Variants in RNF217 observed in about 807,000 individuals in gnomAD.
RNF217 encodes the protein ring finger protein 217.
RNF217 carries 31 observed loss-of-function variants against 57.8 expected under a neutral mutation model. That is an observed-to-expected ratio of 0.54 (90% CI 0.40 to 0.72). RNF217 has a LOEUF of 0.72. RNF217 is among the 30% of genes least tolerant of loss of function. The pLI is 0.00. For synonymous variants in RNF217, 313 were observed against 294.0 expected, an observed-to-expected ratio of 1.06 and a Z score of -0.66; for missense variants, 696 against 708.3, an observed-to-expected ratio of 0.98 and a Z score of 0.20.
At chr6:125,058,734 G>A (rs537793856) in intron 3 of RNF217, among the ~76,000 whole-genome samples, 1 of 152,274 alleles carries the variant, frequency 6.6e-6, no homozygotes, top group East Asian at 1.9e-4. Flanking sequence ...CAAACAGCCA[G>A]GGAAGACTCT....
chr6:124,964,719 C>T (rs1304525335), intron 1 of RNF217, among the ~76,000 whole-genome samples: 2 of 152,190 alleles, frequency 1.3e-5, no homozygotes, highest in African/African-American at 2.4e-5. Context: ...CATGCTTTAT[C>T]TACAGAGATT....
At chr6:125,050,260 G>A (rs201052779) in intron 2 of RNF217, among the ~76,000 whole-genome samples, 8 of 151,912 alleles carry the variant, frequency 5.3e-5, no homozygotes, top group East Asian at 1.9e-4. Flanking sequence ...TAGAGAACAC[G>A]TTAGAGGTAA....
intron 3 of RNF217, among the ~76,000 whole-genome samples, chr6:125,060,303 A>C (rs2114594046): frequency 6.6e-6 from 1 of 152,184 alleles, no homozygotes; most frequent in Non-Finnish European, 1.5e-5. Context: ...AAATGCTTTC[A>C]ATCATGATAA....
intron 1 of RNF217, among the ~76,000 whole-genome samples, chr6:124,981,408 T>C (rs1436218735): frequency 2.0e-5 from 3 of 152,152 alleles, no homozygotes; most frequent in Non-Finnish European, 4.4e-5. Context: ...CTTGCTTTTA[T>C]ACATTTTAGG....
intron 1 of RNF217, among the ~76,000 whole-genome samples, chr6:125,035,516 T>C (rs1448621437): frequency 6.6e-6 from 1 of 152,220 alleles, no homozygotes; most frequent in Non-Finnish European, 1.5e-5. Flanking sequence ...GTTTGTTGTC[T>C]GCATGTTTCT....
chr6:125,014,717 A>T (rs1436393407), intron 1 of RNF217, among the ~76,000 whole-genome samples: 2 of 152,194 alleles, frequency 1.3e-5, no homozygotes, highest in East Asian at 3.8e-4. Flanking sequence ...TCTCCCAGTG[A>T]TTCATTCATT....
rs575717097 is a variant in RNF217 at position 125,084,874 on chromosome 6, A to C, written c.*1937A>C. 6.6e-6 allele frequency: 1 copy of C among 152,072 alleles called. No individual in the cohort carries two copies. The highest frequency in any genetic ancestry group is 1.5e-5 in the Non-Finnish European group (1 of 67,854). 9.4% of individuals were successfully genotyped at this position (152,072 alleles called of 1,614,324 possible). ...ATTGAGTGCCTATCTTAGGTGTAATAGTATTTAAGACTGAAAGAAGGAGAA... is the reference window on the plus strand; with the variant it reads ...ATTGAGTGCCTATCTTAGGTGTAATCGTATTTAAGACTGAAAGAAGGAGAA... On this transcript the variant is annotated 3_prime_UTR_variant, in exon 6 of 6. Coordinates refer to ENST00000521654, the MANE Select transcript of RNF217 (RefSeq NM_001286398.3).
chr6:124,974,436 G>A (rs983674085), intron 1 of RNF217, among the ~76,000 whole-genome samples: 4 of 151,996 alleles, frequency 2.6e-5, no homozygotes, highest in African/African-American at 9.7e-5. Flanking sequence ...ACAGATTCAT[G>A]TAGTTTTAAA....
chr6:124,990,834 G>A (rs549407645), intron 1 of RNF217, among the ~76,000 whole-genome samples: 6 of 152,292 alleles, frequency 3.9e-5, no homozygotes, highest in Admixed American at 6.5e-5. Context: ...AGAGGCTGAG[G>A]TGGGAGGATT....
Position 125,082,885 on chromosome 6 carries a change from A to G in RNF217, c.1577A>G (p.Tyr526Cys), listed in dbSNP as rs146555313. Reference protein sequence around the residue: ...VVIGLFVFPIYCLCKKQRKRS... With the variant: ...VVIGLFVFPICCLCKKQRKRS... ...CTAGGTTTATTTGTATTTCCTATCT[A>G]TTGCCTTTGTAAAAAACAGAGAAAA... Residue 526 changes from tyrosine to cysteine, a missense_variant, in exon 6 of 6, where the codon TAT becomes TGT. Physicochemically the swap from Tyr to Cys is radical, Grantham distance 194. This residue lies in a region of RNF217 where 231 missense variants were observed against 321.4 expected (regional missense o/e 0.72). Coordinates refer to ENST00000521654, the MANE Select transcript of RNF217 (RefSeq NM_001286398.3). The G allele has an allele frequency of 6.2e-7, 1 of 1,603,682 alleles. No individual in the cohort carries two copies. The highest frequency in any genetic ancestry group is 1.3e-5 in the African/African-American group (1 of 74,218).
chr6:124,988,772 A>G (rs756521750), intron 1 of RNF217, among the ~76,000 whole-genome samples: 1 of 152,216 alleles, frequency 6.6e-6, no homozygotes, highest in Non-Finnish European at 1.5e-5. Flanking sequence ...CTTTGCCTAT[A>G]GTTATTCCAC....
rs1788740979 is a variant in RNF217, at chr6:125,085,301, A to G, written c.*2364A>G. ...GATGGCTATTTCATCAGTGCTTGAAATAGTGTGCACTGTGTTGCACAGGTT... is the reference window on the plus strand; with the variant it reads ...GATGGCTATTTCATCAGTGCTTGAAGTAGTGTGCACTGTGTTGCACAGGTT... On this transcript the variant is annotated 3_prime_UTR_variant, in exon 6 of 6. Coordinates refer to ENST00000521654, the MANE Select transcript of RNF217 (RefSeq NM_001286398.3). 1 of 151,886 alleles carries G rather than the reference A, an allele frequency of 6.6e-6. No individual in the cohort carries two copies. The highest frequency in any genetic ancestry group is 1.5e-5 in the Non-Finnish European group (1 of 67,836). 9.4% of individuals were successfully genotyped at this position (151,886 alleles called of 1,614,324 possible). A position where few individuals can be genotyped will look rare whatever the true frequency, so the allele number is the denominator to read the frequency against.
At chr6:125,031,076 T>C (rs1786335481) in intron 1 of RNF217, among the ~76,000 whole-genome samples, 1 of 152,236 alleles carries the variant, frequency 6.6e-6, no homozygotes, top group African/African-American at 2.4e-5. Flanking sequence ...GCTTCCACCC[T>C]CTGAAGCCAC....
intron 1 of RNF217, among the ~76,000 whole-genome samples, chr6:125,040,663 T>TC (rs1786845337): frequency 6.6e-6 from 1 of 152,098 alleles, no homozygotes; most frequent in Admixed American, 6.6e-5. Context: ...CCAAAATCCC[T>TC]CATGAACATT....
At chr6:125,019,654 G>T (rs945751369) in intron 1 of RNF217, among the ~76,000 whole-genome samples, 1 of 151,894 alleles carries the variant, frequency 6.6e-6, no homozygotes, top group Non-Finnish European at 1.5e-5. Context: ...CAAATTAGAC[G>T]AATAATTTAG....
chr6:125,088,608 T>C lies in RNF217; in HGVS notation c.*5671T>C, dbSNP rs1788844091. 6.6e-6 allele frequency: 1 copy of C among 152,146 alleles called. No individual in the cohort carries two copies. Among genetic ancestry groups the C allele is most frequent in the African/African-American group, 2.4e-5 (1 of 41,444 alleles). 9.4% of individuals were successfully genotyped at this position (152,146 alleles called of 1,614,324 possible). A position where few individuals can be genotyped will look rare whatever the true frequency, so the allele number is the denominator to read the frequency against. ...ATGTAATTATGCATGTTACAAACTA[T>C]ATATATCTTTTTGGCTAGAGAAGTG... On this transcript the variant is annotated 3_prime_UTR_variant, in exon 6 of 6. Coordinates refer to ENST00000521654, the MANE Select transcript of RNF217 (RefSeq NM_001286398.3).
intron 2 of RNF217, among the ~76,000 whole-genome samples, chr6:125,057,442 A>G (rs1310020834): frequency 1.3e-5 from 2 of 152,262 alleles, no homozygotes; most frequent in South Asian, 4.1e-4. Flanking sequence ...TCAGCCTCCC[A>G]AAGTGCTAGG....
intron 1 of RNF217, among the ~76,000 whole-genome samples, chr6:125,026,647 G>T (rs1220627749): frequency 1.3e-5 from 2 of 151,328 alleles, no homozygotes; most frequent in Non-Finnish European, 3.0e-5. Context: ...ATTTCTCTGA[G>T]AAAAAAAAAA....
In RNF217 at chr6:125,036,867, TTTTATTA is replaced by T. The variant is rs1279455228; in HGVS notation, c.883-8328_883-8322del. Among the ~76,000 whole-genome samples, 96 of 149,330 alleles carry T rather than the reference TTTTATTA, an allele frequency of 6.4e-4. 1 individual carries two copies. The South Asian group carries it at 8.4e-3, about 13-fold the overall frequency. ...TAAAAAGCCAGGAAATAACAGATGCTTTTATTATTTATTATTTATTATATTTATTATA... is the reference window on the plus strand; with the variant it reads ...TAAAAAGCCAGGAAATAACAGATGCTTTTATTATTTATTATATTTATTATA... On this transcript the variant is annotated intron_variant, in intron 1 of 5. Coordinates refer to ENST00000521654, the MANE Select transcript of RNF217 (RefSeq NM_001286398.3).
Sources: allele counts gnomAD v4.1 joint callset (sites outside exome capture counted in the v4.1 genomes callset), GRCh38; gene constraint gnomAD v4.1.1; regional missense constraint gnomAD v4.1.1; transcripts MANE v1.5; gene names NCBI Gene and HGNC (gene_info 2026-07-23, HGNC 2026-07-21).